GNG4: variants seen among roughly 807,000 people sequenced by gnomAD.
GNG4 encodes G protein subunit gamma 4, also known as guanine nucleotide-binding protein G(I)/G(S)/G(O) subunit gamma-4.
GNG4 carries 4 observed loss-of-function variants against 5.8 expected under a neutral mutation model. The observed-to-expected ratio is 0.69, with a 90% CI of 0.34 to 1.57. The LOEUF (loss-of-function observed/expected upper bound fraction) is 1.57, where lower values mean the gene tolerates loss of function less well. Among genes scored for constraint, GNG4 ranks in the 40% most tolerant of loss-of-function variants. The pLI, the probability that GNG4 is intolerant of heterozygous loss-of-function variation, is 0.06. For missense variants in GNG4, 96 were observed against 95.1 expected (o/e 1.01, Z -0.04); for synonymous variants, 29 against 32.9 (o/e 0.88, Z 0.41).
intron 2 of GNG4, among the ~76,000 whole-genome samples, chr1:235,587,462 TGGGGGGTGA>T (rs1687814599): frequency 1.1e-3 from 1 of 876 alleles, no homozygotes; most frequent in African/African-American, 0.011. Flanking sequence ...GGGTACAGGG[TGGGGGGTGA>T]GTGTGAGAGT....
chr1:235,553,640 A>G (rs919374230), intron 3 of GNG4, among the ~76,000 whole-genome samples: 2 of 152,244 alleles, frequency 1.3e-5, no homozygotes, highest in African/African-American at 4.8e-5. Flanking sequence ...GCAGAGATAT[A>G]CAATGAATCA....
chr1:235,645,882 T>G (rs1465347000), intron 1 of GNG4, among the ~76,000 whole-genome samples: 1 of 151,958 alleles, frequency 6.6e-6, no homozygotes, highest in East Asian at 1.9e-4. Context: ...CCTGCCTCTC[T>G]TTCTTTGTTG....
chr1:235,568,168 T>TA (rs5781834), intron 3 of GNG4, among the ~76,000 whole-genome samples: 62,867 of 150,562 alleles, frequency 0.42, 13,967 homozygotes, highest in East Asian at 0.81. Context: ...TTTTTTTTTT[T>TA]AAACCTATGA....
At chr1:235,646,473 T>C (rs979350692) in intron 1 of GNG4, among the ~76,000 whole-genome samples, 1 of 152,198 alleles carries the variant, frequency 6.6e-6, no homozygotes, top group Non-Finnish European at 1.5e-5. Flanking sequence ...AAGGAGATCA[T>C]CCACATGACA....
rs1273247903 is a variant in GNG4 at position 235,549,759 on chromosome 1, TTAATTGGTC to T, written c.*2341_*2349del. 2.6e-5 allele frequency: 4 copies of T among 152,248 alleles called. No homozygotes were observed. Among genetic ancestry groups the T allele is most frequent in the African/African-American group, 9.6e-5 (4 of 41,462 alleles). 9.4% of individuals were successfully genotyped at this position (152,248 alleles called of 1,614,324 possible). On this transcript the variant is annotated 3_prime_UTR_variant, in exon 4 of 4. Coordinates refer to ENST00000391854, the MANE Select transcript of GNG4 (RefSeq NM_001098722.2). ...ATCCATTTACGAGGGCAGCAAGTCA[TTAATTGGTC>T]TGGAAATTACATTTGCCTCTTTGCA...
At chr1:235,646,233 C>T (rs1657508228) in intron 1 of GNG4, among the ~76,000 whole-genome samples, 1 of 152,238 alleles carries the variant, frequency 6.6e-6, no homozygotes, top group Non-Finnish European at 1.5e-5. Context: ...GGGAAAGGAG[C>T]TCATGTGCAG....
intron 3 of GNG4, among the ~76,000 whole-genome samples, chr1:235,571,132 T>G (rs1362484592): frequency 6.6e-6 from 1 of 151,998 alleles, no homozygotes; most frequent in Non-Finnish European, 1.5e-5. Flanking sequence ...AATAGAAAAT[T>G]GGGTAAACGG....
At chr1:235,631,236 T>G (rs1165200147) in intron 1 of GNG4, among the ~76,000 whole-genome samples, 1 of 152,196 alleles carries the variant, frequency 6.6e-6, no homozygotes, top group Non-Finnish European at 1.5e-5. Context: ...ATTTTTTCTT[T>G]GTCTTGCTTC....
chr1:235,626,499 G>A (rs73122504), intron 1 of GNG4, among the ~76,000 whole-genome samples: 7,655 of 152,142 alleles, frequency 0.05, 624 homozygotes, highest in African/African-American at 0.17. Context: ...TTGCAAGTGC[G>A]ATGAGACACG....
At chr1:235,604,885 A>C (rs912898177) in intron 1 of GNG4, among the ~76,000 whole-genome samples, 6 of 152,126 alleles carry the variant, frequency 3.9e-5, no homozygotes, top group African/African-American at 1.4e-4. Flanking sequence ...TGTAATACCT[A>C]CAAGAAACGC....
intron 1 of GNG4, among the ~76,000 whole-genome samples, chr1:235,639,460 C>T (rs1410929374): frequency 6.6e-6 from 1 of 152,234 alleles, no homozygotes; most frequent in East Asian, 1.9e-4. Context: ...ATCATGAGAC[C>T]TCCTTCCAGA....
rs556119759 is a variant in GNG4 at position 235,645,653 on chromosome 1, C to T, written c.-123+4009G>A. On this transcript the variant is annotated intron_variant, in intron 1 of 3. Coordinates refer to ENST00000391854, the MANE Select transcript of GNG4 (RefSeq NM_001098722.2). ...TCTCTACTAAAAATACAAAATTAGCCGGGCGCGGTGGCACATGCCTGTAAT... is the reference window on the plus strand; with the variant it reads ...TCTCTACTAAAAATACAAAATTAGCTGGGCGCGGTGGCACATGCCTGTAAT... 1.3e-4 allele frequency among the ~76,000 whole-genome samples: 20 copies of T among 151,972 alleles called. 1 individual carries two copies. The Middle Eastern group carries it at 0.017, about 129-fold the overall frequency.
At position 235,627,022 on chromosome 1, in the gene GNG4, A is replaced by G. The variant is rs1457275698; in HGVS notation, c.-123+22640T>C. On this transcript the variant is annotated intron_variant, in intron 1 of 3. Coordinates refer to ENST00000391854, the MANE Select transcript of GNG4 (RefSeq NM_001098722.2). Reference sequence around the variant, plus strand: ...AAAGAACTTAGAACCCAAATTAGAGACTGTCTTTGGGACTGGGAGACTTTC... The same window carrying G: ...AAAGAACTTAGAACCCAAATTAGAGGCTGTCTTTGGGACTGGGAGACTTTC... Among the ~76,000 whole-genome samples, 3 of 144,366 alleles carry G rather than the reference A, an allele frequency of 2.1e-5. No individual in the cohort carries two copies. The South Asian group carries it at 6.9e-4, about 33-fold the overall frequency. 94.7% of individuals were successfully genotyped at this position (144,366 alleles called of 152,430 possible). A position where few individuals can be genotyped will look rare whatever the true frequency, so the allele number is the denominator to read the frequency against.
intron 1 of GNG4, among the ~76,000 whole-genome samples, chr1:235,604,388 A>G (rs1051890545): frequency 6.6e-6 from 1 of 152,246 alleles, no homozygotes; most frequent in Non-Finnish European, 1.5e-5. Context: ...ACAAATTACT[A>G]CAAACCGTGT....
intron 3 of GNG4, among the ~76,000 whole-genome samples, chr1:235,555,145 A>G (rs1686865508): frequency 6.6e-6 from 1 of 152,126 alleles, no homozygotes; most frequent in African/African-American, 2.4e-5. Flanking sequence ...TCACAAAAGA[A>G]CACTTGCACG....
intron 1 of GNG4, among the ~76,000 whole-genome samples, chr1:235,625,663 T>TGTCATATA (rs748802186): frequency 3.2e-4 from 49 of 152,240 alleles, no homozygotes; most frequent in Non-Finnish European, 4.0e-4. Flanking sequence ...TTTTCCAGGA[T>TGTCATATA]GTCATATAGT....
intron 1 of GNG4, among the ~76,000 whole-genome samples, chr1:235,645,641 T>C (rs970122188): frequency 9.2e-5 from 14 of 151,578 alleles, no homozygotes; most frequent in Non-Finnish European, 1.6e-4. Context: ...CTACTAAAAA[T>C]ACAAAATTAG....
chr1:235,600,100 C>CTTTTTTT (rs533853180), intron 1 of GNG4, among the ~76,000 whole-genome samples: 2,824 of 43,130 alleles, frequency 0.065, 782 homozygotes, highest in Non-Finnish European at 0.092. Context: ...CGGAAGAAAG[C>CTTTTTTT]TTTTTTTTTT....
intron 3 of GNG4, among the ~76,000 whole-genome samples, chr1:235,582,279 G>A (rs576573329): frequency 2.6e-5 from 4 of 152,238 alleles, no homozygotes; most frequent in Admixed American, 2.0e-4. Flanking sequence ...TGTGGCTTCC[G>A]CACCTGTGTG....
Sources: allele counts gnomAD v4.1 joint callset (sites outside exome capture counted in the v4.1 genomes callset), GRCh38; gene constraint gnomAD v4.1.1; transcripts MANE v1.5; gene names NCBI Gene and HGNC (gene_info 2026-07-23, HGNC 2026-07-21).